The following ITPR2 variants were observed in gnomAD, a reference collection of about 807,000 sequenced individuals.
ITPR2 encodes the protein inositol 1,4,5-trisphosphate-gated calcium channel ITPR2.
In ITPR2, 207 loss-of-function variants were observed where a neutral mutation model predicts 317.1. The ratio of observed to expected loss-of-function variants is 0.65; its 90% CI spans 0.58 to 0.73. The LOEUF (loss-of-function observed/expected upper bound fraction) is 0.73. Ranked by LOEUF, ITPR2 falls within the 30% of genes least tolerant of loss-of-function variation. The pLI, the probability that ITPR2 is intolerant of heterozygous loss-of-function variation, is 0.00. For synonymous variants in ITPR2, 1,156 were observed against 1,149.1 expected, an observed-to-expected ratio of 1.01 and a Z score of -0.12; for missense variants, 2,613 against 3,284.0, an observed-to-expected ratio of 0.80 and a Z score of 4.99.
intron 1 of ITPR2, among the ~76,000 whole-genome samples, chr12:26,822,198 A>G (rs965181646): frequency 2.0e-5 from 3 of 152,236 alleles, no homozygotes; most frequent in African/African-American, 7.2e-5. Flanking sequence ...GCATTTTGTA[A>G]TCTGCACAAA....
chr12:26,440,416 T>C (rs1437110020), intron 46 of ITPR2, among the ~76,000 whole-genome samples: 1 of 152,184 alleles, frequency 6.6e-6, no homozygotes, highest in Non-Finnish European at 1.5e-5. Context: ...AGTATAAAGA[T>C]GTGAAGAGTC....
chr12:26,394,575 A>G (rs1479937396), intron 54 of ITPR2, among the ~76,000 whole-genome samples: 1 of 152,140 alleles, frequency 6.6e-6, no homozygotes, highest in Non-Finnish European at 1.5e-5. Flanking sequence ...TAAATGGGAG[A>G]ACAACAGGGG....
intron 54 of ITPR2, among the ~76,000 whole-genome samples, chr12:26,395,564 G>GCA (rs879704200): frequency 7.9e-5 from 12 of 151,496 alleles, no homozygotes; most frequent in Non-Finnish European, 1.2e-4. Context: ...CAGAGGTAGT[G>GCA]TACCAACATG....
intron 47 of ITPR2, 71 bp downstream of exon 47, chr12:26,439,056 T>C: frequency 3.4e-6 from 3 of 893,830 alleles, no homozygotes; most frequent in Non-Finnish European, 5.2e-6. Flanking sequence ...ATGAGCTGCA[T>C]CATGTGTCCC....
chr12:26,542,142 A>G (rs185443509), intron 37 of ITPR2, among the ~76,000 whole-genome samples: 1 of 152,226 alleles, frequency 6.6e-6, no homozygotes, highest in African/African-American at 2.4e-5. Flanking sequence ...ATTGTTTAGA[A>G]CTTTTATAAC....
chr12:26,639,531 A>G lies in ITPR2; in HGVS notation c.2741-7472T>C, dbSNP rs374612001. 4.0e-4 allele frequency among the ~76,000 whole-genome samples: 60 copies of G among 151,898 alleles called. No individual in the cohort carries two copies. The South Asian group carries it at 0.012, about 31-fold the overall frequency. On this transcript the variant is annotated intron_variant, in intron 21 of 56. Coordinates refer to ENST00000381340, the MANE Select transcript of ITPR2 (RefSeq NM_002223.4). ...CATGTGCACAACGTGCTGGTTAGTT[A>G]CATATGTATACATGTGCCATGTTGG...
chr12:26,684,912 T>A (rs1035124409), intron 11 of ITPR2, among the ~76,000 whole-genome samples: 70 of 151,774 alleles, frequency 4.6e-4, no homozygotes, highest in African/African-American at 1.7e-3. Flanking sequence ...CCAGAGAGGA[T>A]CTCTTTACAG....
intron 43 of ITPR2, among the ~76,000 whole-genome samples, chr12:26,478,942 CATAAA>C (rs1942480183): frequency 6.6e-6 from 1 of 151,856 alleles, no homozygotes; most frequent in South Asian, 2.1e-4. Context: ...GAATGAATGA[CATAAA>C]ATAAAACCTT....
At chr12:26,594,032 G>A (rs1260622708) in intron 32 of ITPR2, among the ~76,000 whole-genome samples, 1 of 152,126 alleles carries the variant, frequency 6.6e-6, no homozygotes, top group East Asian at 1.9e-4. Flanking sequence ...TCATTGGCAT[G>A]GAAGTCACTC....
chr12:26,827,049 C>T (rs986798457), intron 1 of ITPR2, among the ~76,000 whole-genome samples: 1 of 152,176 alleles, frequency 6.6e-6, no homozygotes, highest in South Asian at 2.1e-4. Context: ...GACAGCACAT[C>T]CCAAGACTCC....
At chr12:26,732,267 A>G (rs1949040881) in intron 2 of ITPR2, among the ~76,000 whole-genome samples, 1 of 152,258 alleles carries the variant, frequency 6.6e-6, no homozygotes, top group African/African-American at 2.4e-5. Flanking sequence ...GACTGATAAA[A>G]TGTTAGCACT....
chr12:26,767,075 T>G (rs1202864205), intron 2 of ITPR2, among the ~76,000 whole-genome samples: 1 of 152,124 alleles, frequency 6.6e-6, no homozygotes, highest in Non-Finnish European at 1.5e-5. Flanking sequence ...AGTCCCCCAG[T>G]CATTCCTTCT....
At chr12:26,420,241 G>C (rs1019801856) in intron 49 of ITPR2, among the ~76,000 whole-genome samples, 2 of 151,986 alleles carry the variant, frequency 1.3e-5, no homozygotes, top group African/African-American at 4.8e-5. Context: ...AGATTTCAAG[G>C]GTTTACAGTT....
chr12:26,670,452 A>C, intron 13 of ITPR2, among the ~76,000 whole-genome samples: 1 of 152,188 alleles, frequency 6.6e-6, no homozygotes, highest in Non-Finnish European at 1.5e-5. Context: ...TCTGGAGTGG[A>C]CCTCTAGCAA....
At chr12:26,738,203 AG>A (rs1314027669) in intron 2 of ITPR2, among the ~76,000 whole-genome samples, 1 of 152,242 alleles carries the variant, frequency 6.6e-6, no homozygotes, top group African/African-American at 2.4e-5. Context: ...GGTTCTGCCC[AG>A]GGTCACAGAG....
intron 54 of ITPR2, among the ~76,000 whole-genome samples, chr12:26,395,849 C>T (rs1294868941): frequency 6.6e-6 from 1 of 152,128 alleles, no homozygotes; most frequent in Non-Finnish European, 1.5e-5. Flanking sequence ...CAAATCTTGG[C>T]TCTTCTGCTT....
chr12:26,700,771 G>C (rs1326424276), intron 9 of ITPR2, among the ~76,000 whole-genome samples: 1 of 152,184 alleles, frequency 6.6e-6, no homozygotes, highest in Admixed American at 6.5e-5. Context: ...GTGGTCCAAG[G>C]AAGAGGTGGG....
chr12:26,578,638 T>C, intron 34 of ITPR2, 75 bp downstream of exon 34: 3 of 1,338,338 alleles, frequency 2.2e-6, no homozygotes, highest in Non-Finnish European at 3.1e-6. Flanking sequence ...GGGAAGCTGC[T>C]TGTGTTGCCC....
intron 17 of ITPR2, 58 bp from the exon 18 acceptor site, chr12:26,657,950 A>G (rs1312448086): frequency 1.2e-6 from 2 of 1,604,468 alleles, no homozygotes; most frequent in Non-Finnish European, 1.7e-6. Context: ...AAATATGACA[A>G]AGAATTACAG....
Sources: gnomAD v4.1 joint callset for allele counts (sites outside exome capture counted in the v4.1 genomes callset) on GRCh38, gnomAD v4.1.1 for gene constraint, MANE v1.5 for transcripts, NCBI Gene and HGNC (gene_info 2026-07-23, HGNC 2026-07-21) for gene names.